The following GRIN2A variants were observed in gnomAD, a reference collection of about 807,000 sequenced individuals.
GRIN2A encodes glutamate receptor ionotropic, NMDA 2A.
Under a neutral mutation model 113.4 loss-of-function variants are expected in GRIN2A, and 22 were observed. That is an observed-to-expected ratio of 0.19 (90% CI 0.14 to 0.28). GRIN2A has a LOEUF of 0.28. Ranked by LOEUF, GRIN2A falls within the 10% of genes least tolerant of loss-of-function variation. The pLI is 1.00. For missense variants in GRIN2A, 1,502 were observed against 1,887.0 expected (o/e 0.80, Z 3.78); for synonymous variants, 827 against 738.4 (o/e 1.12, Z -1.94).
chr16:9,772,171 T>C (rs1028236998), intron 11 of GRIN2A, among the ~76,000 whole-genome samples: 1 of 152,172 alleles, frequency 6.6e-6, no homozygotes, highest in Non-Finnish European at 1.5e-5. Context: ...CAGCCTCCCA[T>C]GCTTTCGCAC....
chr16:10,011,293 T>C (rs1485415311), intron 2 of GRIN2A, among the ~76,000 whole-genome samples: 4 of 152,220 alleles, frequency 2.6e-5, no homozygotes, highest in Admixed American at 2.6e-4. Flanking sequence ...GGAGACAAGT[T>C]CACCCCTGAA....
intron 2 of GRIN2A, among the ~76,000 whole-genome samples, chr16:10,165,285 A>G (rs528783203): frequency 7.9e-5 from 12 of 152,116 alleles, no homozygotes; most frequent in African/African-American, 2.2e-4. Flanking sequence ...AAAATTATAT[A>G]GTGTGTATTT....
At chr16:10,039,813 A>AAGAGAGAG (rs142696536) in intron 2 of GRIN2A, among the ~76,000 whole-genome samples, 1 of 73,578 alleles carries the variant, frequency 1.4e-5, no homozygotes, top group Admixed American at 1.3e-4. Flanking sequence ...GGGGGGGAGA[A>AAGAGAGAG]AGAGAGAGAG....
Position 9,755,250 on chromosome 16 carries a change from C to T in GRIN2A, c.*7899G>A, listed in dbSNP as rs1303780726. ...TGACTTCATTTTAAGCAATTTAGTT[C>T]TGGTTCCCTGGAGAGTTGCATGCTT... On this transcript the variant is annotated 3_prime_UTR_variant, in exon 13 of 13. Transcript: ENST00000330684. 3 of 186,226 alleles carry T rather than the reference C, an allele frequency of 1.6e-5. No homozygotes were observed. The highest frequency in any genetic ancestry group is 2.3e-5 in the African/African-American group (1 of 42,730). The allele number at this position is 186,226 out of a possible 1,614,324, so 11.5% of individuals were successfully genotyped here.
At chr16:10,111,442 C>T (rs1363954058) in intron 2 of GRIN2A, 1 of 575,054 alleles carries the variant, frequency 1.7e-6, no homozygotes, top group Non-Finnish European at 3.2e-6. Flanking sequence ...GCTCACCGTG[C>T]AGCAGCTCTT....
At chr16:10,030,347 T>A (rs551863900) in intron 2 of GRIN2A, among the ~76,000 whole-genome samples, 112 of 152,270 alleles carry the variant, frequency 7.4e-4, no homozygotes, top group African/African-American at 2.3e-3. Context: ...TCATGTTGTG[T>A]TTGTATGAAT....
At chr16:10,175,629 A>G (rs1030242137) in intron 2 of GRIN2A, among the ~76,000 whole-genome samples, 5 of 152,200 alleles carry the variant, frequency 3.3e-5, no homozygotes, top group Non-Finnish European at 1.5e-5. Context: ...TATACAGATA[A>G]ACAGTTTTTT....
intron 3 of GRIN2A, among the ~76,000 whole-genome samples, chr16:9,912,136 G>T (rs1021299092): frequency 6.6e-6 from 1 of 151,806 alleles, no homozygotes; most frequent in African/African-American, 2.4e-5. Context: ...TGGTAATGAC[G>T]ATGACGATAA....
chr16:9,997,120 G>A (rs2046237161), intron 2 of GRIN2A, among the ~76,000 whole-genome samples: 2 of 152,078 alleles, frequency 1.3e-5, no homozygotes, highest in South Asian at 2.1e-4. Context: ...CTCCAAAATC[G>A]AAACACTGAT....
intron 2 of GRIN2A, among the ~76,000 whole-genome samples, chr16:9,980,908 C>T (rs752371115): frequency 4.0e-5 from 6 of 151,554 alleles, no homozygotes; most frequent in Non-Finnish European, 8.8e-5. Context: ...TTAATGGGTG[C>T]AGCACACCAA....
intron 2 of GRIN2A, among the ~76,000 whole-genome samples, chr16:9,994,001 G>A (rs1189794743): frequency 1.3e-5 from 2 of 152,148 alleles, no homozygotes; most frequent in Non-Finnish European, 2.9e-5. Context: ...AATTGCAGAT[G>A]GAAAGTTTAT....
chr16:10,105,347 A>G (rs143870453), intron 2 of GRIN2A, among the ~76,000 whole-genome samples: 71 of 152,348 alleles, frequency 4.7e-4, no homozygotes, highest in Non-Finnish European at 7.9e-4. Context: ...AGACACAGAA[A>G]AATGAGCTGG....
Position 9,759,516 on chromosome 16 carries a change from A to T in GRIN2A, c.*3633T>A, listed in dbSNP as rs1314591058. On this transcript the variant is annotated 3_prime_UTR_variant, in exon 13 of 13. Coordinates refer to ENST00000330684, the MANE Select transcript of GRIN2A (RefSeq NM_001134407.3). ...CTATTTCATTTGTAAACAAGGTGTA[A>T]TTTTCTATTTTTCTCCCCAGAAAAT... The T allele has an allele frequency of 4.5e-6, 1 of 224,094 alleles. No homozygotes were observed. The highest frequency in any genetic ancestry group is 8.9e-6 in the Non-Finnish European group (1 of 112,336). The allele number at this position is 224,094 out of a possible 1,614,324, so 13.9% of individuals were successfully genotyped here. A position where few individuals can be genotyped will look rare whatever the true frequency, so the allele number is the denominator to read the frequency against.
At chr16:9,990,026 C>T (rs28789085) in intron 2 of GRIN2A, among the ~76,000 whole-genome samples, 23,166 of 152,214 alleles carry the variant, frequency 0.15, 2,067 homozygotes, top group East Asian at 0.36. Context: ...GCAATCCCAT[C>T]ACTGGGTATA....
chr16:9,971,628 T>C (rs1388831708), intron 2 of GRIN2A, among the ~76,000 whole-genome samples: 2 of 152,230 alleles, frequency 1.3e-5, no homozygotes, highest in African/African-American at 4.8e-5. Context: ...TGGCTGAAGA[T>C]GATGACATGT....
intron 2 of GRIN2A, among the ~76,000 whole-genome samples, chr16:10,149,915 G>C (rs2142288332): frequency 6.6e-6 from 1 of 152,318 alleles, no homozygotes; most frequent in East Asian, 1.9e-4. Context: ...ATTGAACAAA[G>C]AATGATTCAA....
rs138096470 is a variant in GRIN2A at position 10,043,356 on chromosome 16, C to A, written c.415-104805G>T. ...CACCAGGCTGATGATCAAAGTGGCA[C>A]GCTAAGAAAGCACCCCAGGATTTGC... On this transcript the variant is annotated intron_variant, in intron 2 of 12. Coordinates refer to ENST00000330684, the MANE Select transcript of GRIN2A (RefSeq NM_001134407.3). 1.8e-3 allele frequency among the ~76,000 whole-genome samples: 272 copies of A among 152,248 alleles called. 1 individual carries two copies. Among genetic ancestry groups the A allele is most frequent in the African/African-American group, 6.3e-3 (260 of 41,544 alleles).
intron 2 of GRIN2A, among the ~76,000 whole-genome samples, chr16:10,169,531 C>T (rs888834467): frequency 6.6e-6 from 1 of 152,132 alleles, no homozygotes; most frequent in African/African-American, 2.4e-5. Flanking sequence ...ATTTTTCTCT[C>T]CCTTTTTTTC....
intron 2 of GRIN2A, among the ~76,000 whole-genome samples, chr16:10,161,640 A>G (rs187852871): frequency 1.4e-4 from 21 of 152,262 alleles, no homozygotes; most frequent in African/African-American, 5.1e-4. Context: ...CTAACAAATT[A>G]CCACCAATTT....
Sources: gnomAD v4.1 joint callset for allele counts (sites outside exome capture counted in the v4.1 genomes callset) on GRCh38, gnomAD v4.1.1 for gene constraint, MANE v1.5 for transcripts, NCBI Gene and HGNC (gene_info 2026-07-23, HGNC 2026-07-21) for gene names.